Variants in GPHN observed in about 807,000 individuals in gnomAD.
GPHN encodes gephyrin.
Under a neutral mutation model 95.5 loss-of-function variants are expected in GPHN, and 17 were observed. That is an observed-to-expected ratio of 0.18 (90% CI 0.12 to 0.27). The LOEUF is 0.27. GPHN is among the 10% of genes least tolerant of loss of function. GPHN has a pLI of 1.00. For missense variants in GPHN, 660 were observed against 978.1 expected, an observed-to-expected ratio of 0.67 and a Z score of 4.34; for synonymous variants, 320 against 322.5, an observed-to-expected ratio of 0.99 and a Z score of 0.08.
At chr14:67,469,684 A>G in the GPHN span, among the ~76,000 whole-genome samples, 1 of 151,956 alleles carries the variant, frequency 6.6e-6, no homozygotes, top group African/African-American at 2.4e-5. Context: ...GAGGACAGGG[A>G]AGCTCAATGG....
At chr14:66,755,359 T>G (rs1330022476) in intron 2 of GPHN, among the ~76,000 whole-genome samples, 1 of 152,120 alleles carries the variant, frequency 6.6e-6, no homozygotes, top group African/African-American at 2.4e-5. Flanking sequence ...TAAATTTATG[T>G]CACAAATGTG....
chr14:66,565,996 A>G (rs1305974156), intron 1 of GPHN, among the ~76,000 whole-genome samples: 1 of 150,668 alleles, frequency 6.6e-6, no homozygotes, highest in Non-Finnish European at 1.5e-5. Flanking sequence ...CTATCTATTC[A>G]TTTTAAGATC....
At chr14:67,454,397 C>T in the GPHN span, 1 of 152,184 alleles carries the variant, frequency 6.6e-6, no homozygotes, top group Non-Finnish European at 1.5e-5. Flanking sequence ...AAGGATGATA[C>T]CTTAAATTTT....
the GPHN span, among the ~76,000 whole-genome samples, chr14:67,657,619 CACA>C: frequency 7.1e-6 from 1 of 140,284 alleles, no homozygotes; most frequent in African/African-American, 3.1e-5. Flanking sequence ...CACACACACA[CACA>C]CCCAAAATCA....
rs186537527 is a variant in GPHN at position 67,012,187 on chromosome 14, C to T, written c.964-11446C>T. 1.4e-4 allele frequency among the ~76,000 whole-genome samples: 22 copies of T among 152,174 alleles called. No homozygotes were observed. The East Asian group carries it at 2.7e-3, about 19-fold the overall frequency. ...GGTTATTCCATGTGATGCATCTTTC[C>T]ATAAATTTTGAGAATGCCTCAACAC... On this transcript the variant is annotated intron_variant, in intron 9 of 22. Transcript: ENST00000478722.
chr14:66,877,278 T>C (rs1162966801), intron 4 of GPHN, among the ~76,000 whole-genome samples: 1 of 152,182 alleles, frequency 6.6e-6, no homozygotes, highest in Non-Finnish European at 1.5e-5. Flanking sequence ...ACAGCCAATA[T>C]CATACTGATT....
At chr14:66,716,069 T>C (rs1453082562) in intron 2 of GPHN, among the ~76,000 whole-genome samples, 1 of 152,178 alleles carries the variant, frequency 6.6e-6, no homozygotes, top group Non-Finnish European at 1.5e-5. Context: ...ACTTTCTGTC[T>C]TGATGACCTG....
intron 9 of GPHN, among the ~76,000 whole-genome samples, chr14:67,022,568 G>GTTGTGTGTGTGTGT (rs1555466198): frequency 9.6e-5 from 2 of 20,874 alleles, no homozygotes; most frequent in Non-Finnish European, 1.8e-4. Context: ...TTTTTTTTTT[G>GTTGTGTGTGTGTGT]GTGTGTGTGT....
At chr14:67,191,836 G>A in the GPHN span, among the ~76,000 whole-genome samples, 1 of 152,158 alleles carries the variant, frequency 6.6e-6, no homozygotes, top group African/African-American at 2.4e-5. Context: ...ATTTAATAAG[G>A]AATCTCTCTT....
the GPHN span, among the ~76,000 whole-genome samples, chr14:67,243,502 T>C: frequency 3.4e-5 from 5 of 147,146 alleles, no homozygotes; most frequent in African/African-American, 1.3e-4. Context: ...TTTTTTTTTT[T>C]TTTTTTTTGA....
At chr14:66,662,650 T>C (rs2065727262) in intron 1 of GPHN, among the ~76,000 whole-genome samples, 1 of 152,194 alleles carries the variant, frequency 6.6e-6, no homozygotes. Context: ...GAAGTAGACT[T>C]CGGAATGTGG....
At chr14:67,356,881 T>C in the GPHN span, among the ~76,000 whole-genome samples, 1 of 152,244 alleles carries the variant, frequency 6.6e-6, no homozygotes, top group African/African-American at 2.4e-5. Context: ...TAGTAAATAC[T>C]AGAACTTGGG....
chr14:66,806,331 C>T (rs992208485), intron 3 of GPHN, among the ~76,000 whole-genome samples: 4 of 152,204 alleles, frequency 2.6e-5, no homozygotes, highest in African/African-American at 9.6e-5. Context: ...GGAGGGGCTG[C>T]TGCAAAGGTC....
chr14:67,070,352 T>C (rs1012160231), intron 11 of GPHN, among the ~76,000 whole-genome samples: 4 of 148,300 alleles, frequency 2.7e-5, no homozygotes, highest in South Asian at 2.1e-4. Flanking sequence ...TATACACACA[T>C]ATATATATAA....
intron 8 of GPHN, among the ~76,000 whole-genome samples, chr14:66,961,947 T>TATATATATATATAC (rs1555452281): frequency 9.3e-5 from 7 of 75,084 alleles, no homozygotes; most frequent in African/African-American, 2.4e-4. Flanking sequence ...TATATATATA[T>TATATATATATATAC]ACACATATCT....
chr14:66,730,509 G>C (rs76725062), intron 2 of GPHN, among the ~76,000 whole-genome samples: 10,589 of 152,152 alleles, frequency 0.07, 539 homozygotes, highest in Non-Finnish European at 0.11. Context: ...TAAAATGTTG[G>C]GGTAGGGTGA....
chr14:66,563,993 C>A (rs940545647), intron 1 of GPHN, among the ~76,000 whole-genome samples: 5 of 152,136 alleles, frequency 3.3e-5, no homozygotes, highest in African/African-American at 1.2e-4. Context: ...TTGATGAATA[C>A]TTGCATGTTT....
intron 4 of GPHN, among the ~76,000 whole-genome samples, chr14:66,828,955 T>G (rs1195234768): frequency 6.6e-6 from 1 of 152,132 alleles, no homozygotes; most frequent in East Asian, 1.9e-4. Flanking sequence ...CCTTCTAGCC[T>G]TCTCCCTGCC....
At chr14:67,513,310 T>G in the GPHN span, among the ~76,000 whole-genome samples, 1 of 152,170 alleles carries the variant, frequency 6.6e-6, no homozygotes. Context: ...GCCTGCCTGT[T>G]AGAATGGGAA....
Sources: allele counts gnomAD v4.1 joint callset (sites outside exome capture counted in the v4.1 genomes callset), GRCh38; gene constraint gnomAD v4.1.1; transcripts MANE v1.5; gene names NCBI Gene and HGNC (gene_info 2026-07-23, HGNC 2026-07-21).